Variants in RLN2 observed in about 807,000 individuals in gnomAD.
RLN2 encodes the protein relaxin 2.
RLN2 carries 10 observed loss-of-function variants against 7.3 expected under a neutral mutation model. That is an observed-to-expected ratio of 1.36 (90% CI 0.84 to 2.31). RLN2 has a LOEUF of 2.31. Among genes scored for constraint, RLN2 ranks in the 30% most tolerant of loss-of-function variants. The probability of loss-of-function intolerance (pLI) is 0.00; values close to 1 mark genes in which losing one functional copy is unlikely to be tolerated. For missense variants in RLN2, 298 were observed against 217.6 expected, an observed-to-expected ratio of 1.37 and a Z score of -2.32; for synonymous variants, 103 against 82.3, an observed-to-expected ratio of 1.25 and a Z score of -1.36.
the RLN2 span, among the ~76,000 whole-genome samples, chr9:5,328,150 G>A: frequency 1.3e-5 from 2 of 151,886 alleles, no homozygotes; most frequent in African/African-American, 4.8e-5. Context: ...TCCCAAGTAA[G>A]TTAAAAACCT....
chr9:5,326,605 C>T, the RLN2 span, among the ~76,000 whole-genome samples: 1 of 151,962 alleles, frequency 6.6e-6, no homozygotes, highest in Admixed American at 6.6e-5. Context: ...CAGGTGGGGA[C>T]AAGGGGGGAG....
the RLN2 span, among the ~76,000 whole-genome samples, chr9:5,329,296 C>T: frequency 7.2e-5 from 8 of 111,066 alleles, no homozygotes; most frequent in South Asian, 3.0e-4. Context: ...GGCGACAGAG[C>T]GAGACTCCAT....
At chr9:5,335,804 G>T in the RLN2 span, among the ~76,000 whole-genome samples, 1 of 151,882 alleles carries the variant, frequency 6.6e-6, no homozygotes, top group Admixed American at 6.6e-5. Context: ...CCAAGGCTCT[G>T]CTTTACCCCA....
chr9:5,305,832 G>A (rs1275260723), upstream of RLN2, among the ~76,000 whole-genome samples: 3 of 151,998 alleles, frequency 2.0e-5, no homozygotes, highest in Admixed American at 1.3e-4. Flanking sequence ...TGCTGGTGAT[G>A]TCAGTAGGCC....
chr9:5,318,424 G>A, the RLN2 span, among the ~76,000 whole-genome samples: 1 of 151,800 alleles, frequency 6.6e-6, no homozygotes, highest in African/African-American at 2.4e-5. Flanking sequence ...TGTGAAATAT[G>A]TGGATTTTTA....
chr9:5,304,169 C>A, intron 1 of RLN2: 1 of 473,940 alleles, frequency 2.1e-6, no homozygotes, highest in Non-Finnish European at 3.6e-6. Context: ...CGGTGAGATT[C>A]CCAGTGAGAC....
the RLN2 span, among the ~76,000 whole-genome samples, chr9:5,316,611 A>G: frequency 1.3e-5 from 2 of 152,018 alleles, no homozygotes; most frequent in East Asian, 1.9e-4. Context: ...TATCCCTGCA[A>G]AGGACATGAG....
In RLN2 at chr9:5,304,656, G is replaced by A; in HGVS notation, c.-76C>T. On this transcript the variant is annotated 5_prime_UTR_variant, in exon 1 of 2. Transcript: ENST00000381627. ...GCAGCTGCTGTGGCCTACACACCTG[G>A]GCCTGTGTGCCTGTCCCGGGCTTTA... The A allele has an allele frequency of 6.8e-7, 1 of 1,465,916 alleles. No homozygotes were observed. The highest frequency in any genetic ancestry group is 9.5e-7 in the Non-Finnish European group (1 of 1,051,188). The allele number at this position is 1,465,916 out of a possible 1,614,324, so 90.8% of individuals were successfully genotyped here.
chr9:5,323,354 A>G, the RLN2 span, among the ~76,000 whole-genome samples: 1 of 152,026 alleles, frequency 6.6e-6, no homozygotes, highest in Non-Finnish European at 1.5e-5. Flanking sequence ...GGGTACACAG[A>G]AGCAATTTTC....
chr9:5,304,471 C>T lies in RLN2; in HGVS notation c.110G>A (p.Arg37His), dbSNP rs1816198694. The T allele has an allele frequency of 6.2e-7, 1 of 1,613,576 alleles. No individual in the cohort carries two copies. Among genetic ancestry groups the T allele is most frequent in the Non-Finnish European group, 8.5e-7 (1 of 1,179,874 alleles). The change falls in exon 1 of 2, where the codon CGC becomes CAC. Residue 37 changes from arginine to histidine, a missense_variant. Coordinates refer to ENST00000381627, the MANE Select transcript of RLN2 (RefSeq NM_134441.3). ...GGCAATCTGCGCGCGAACTAATTCG[C>T]GGCCGCATAATTTAATAACTTCCTC... ...WMEEVIKLCGRELVRAQIAIC... is the reference protein window; with the variant it reads ...WMEEVIKLCGHELVRAQIAIC...
the RLN2 span, among the ~76,000 whole-genome samples, chr9:5,333,217 T>C: frequency 1.3e-5 from 2 of 152,012 alleles, no homozygotes; most frequent in Non-Finnish European, 2.9e-5. Context: ...TCACATAAGA[T>C]GACAGAAGGA....
At chr9:5,306,828 C>T (rs1816260205), upstream of RLN2, among the ~76,000 whole-genome samples, 1 of 151,978 alleles carries the variant, frequency 6.6e-6, no homozygotes, top group African/African-American at 2.4e-5. Context: ...GAATGTAGGA[C>T]AGCAGGAACA....
At chr9:5,314,923 C>G in the RLN2 span, among the ~76,000 whole-genome samples, 5 of 150,982 alleles carry the variant, frequency 3.3e-5, no homozygotes, top group African/African-American at 1.2e-4. Context: ...TACCTTCTTT[C>G]TGGGTCCTAA....
chr9:5,330,366 T>C, the RLN2 span, among the ~76,000 whole-genome samples: 1 of 151,306 alleles, frequency 6.6e-6, no homozygotes, highest in Non-Finnish European at 1.5e-5. Flanking sequence ...AGGCCGGGTG[T>C]GGTGGCTCAC....
At chr9:5,314,039 C>A in the RLN2 span, among the ~76,000 whole-genome samples, 1 of 151,976 alleles carries the variant, frequency 6.6e-6, no homozygotes, top group Non-Finnish European at 1.5e-5. Flanking sequence ...CTACAGTCCT[C>A]ACCTCTGGTG....
At chr9:5,335,191 G>C in the RLN2 span, 2 of 1,006,778 alleles carry the variant, frequency 2.0e-6, no homozygotes, top group South Asian at 1.8e-5. Context: ...AGAAGCATCA[G>C]TGAAATGTCA....
chr9:5,328,400 T>C, the RLN2 span, among the ~76,000 whole-genome samples: 1 of 151,820 alleles, frequency 6.6e-6, no homozygotes, highest in South Asian at 2.1e-4. Context: ...CTCCAAGAAA[T>C]ATGGGACTAT....
upstream of RLN2, among the ~76,000 whole-genome samples, chr9:5,308,485 G>C (rs1428238875): frequency 6.6e-6 from 1 of 151,858 alleles, no homozygotes; most frequent in East Asian, 1.9e-4. Flanking sequence ...TGGGGTTTGT[G>C]GTTTTACTGT....
At chr9:5,311,481 G>T in the RLN2 span, 2 of 671,478 alleles carry the variant, frequency 3.0e-6, no homozygotes, top group East Asian at 5.3e-5. Context: ...TGTTAAAGGA[G>T]ATAAAGTCAC....
Sources: gnomAD v4.1 joint callset for allele counts (sites outside exome capture counted in the v4.1 genomes callset) on GRCh38, gnomAD v4.1.1 for gene constraint, MANE v1.5 for transcripts, NCBI Gene and HGNC (gene_info 2026-07-23, HGNC 2026-07-21) for gene names.